LRSAM1: variants seen among roughly 807,000 people sequenced by gnomAD.
LRSAM1 encodes the protein E3 ubiquitin-protein ligase LRSAM1.
A neutral mutation model predicts 118.1 loss-of-function variants in LRSAM1; 96 were observed. The ratio of observed to expected loss-of-function variants is 0.81; its 90% CI spans 0.69 to 0.96. The LOEUF (loss-of-function observed/expected upper bound fraction) is 0.96. Among genes scored for constraint, LRSAM1 ranks in the 40% least tolerant of loss-of-function variants. The pLI is 0.00. For synonymous variants in LRSAM1, 322 were observed against 364.2 expected (o/e 0.88, Z 1.32); for missense variants, 804 against 915.5 (o/e 0.88, Z 1.57).
chr9:127,474,995 C>T (rs1835301486), intron 11 of LRSAM1, among the ~76,000 whole-genome samples: 1 of 152,126 alleles, frequency 6.6e-6, no homozygotes, highest in African/African-American at 2.4e-5. Context: ...TCTCTGGTTC[C>T]TAGATGCCAC....
At chr9:127,479,782 C>T in intron 13 of LRSAM1, 57 bp from the exon 14 acceptor site, 1 of 1,593,626 alleles carries the variant, frequency 6.3e-7, no homozygotes, top group Non-Finnish European at 8.6e-7. Context: ...CCAGTCAGTA[C>T]CCCTCACGGC....
chr9:127,479,606 G>A lies in LRSAM1; in HGVS notation c.903+101G>A, dbSNP rs1475860156. 2.0e-6 allele frequency: 3 copies of A among 1,536,600 alleles called. No individual in the cohort carries two copies. In the Admixed American group the frequency reaches 5.6e-5, roughly 28 times the overall value. ...CTCGGATGTGGAAAGGCAGTGGGAT[G>A]AAGCTGTCACTTCCTTCTGTCCCCC... On this transcript the variant is annotated intron_variant, in intron 13 of 25. Coordinates refer to ENST00000300417, the MANE Select transcript of LRSAM1 (RefSeq NM_001005373.4).
chr9:127,459,110 T>C, intron 7 of LRSAM1, 39 bp downstream of exon 7: 2 of 1,587,966 alleles, frequency 1.3e-6, no homozygotes, highest in Non-Finnish European at 1.7e-6. Flanking sequence ...CGGATGGCCT[T>C]AGTGAGACCA....
At chr9:127,484,942 G>A (rs974057707) in intron 16 of LRSAM1, among the ~76,000 whole-genome samples, 1 of 151,198 alleles carries the variant, frequency 6.6e-6, no homozygotes, top group African/African-American at 2.4e-5. Context: ...CAAGTAGCTG[G>A]GATTACAGGC....
At chr9:127,484,285 C>CTTTTTTTTTTT (rs1301004172) in intron 16 of LRSAM1, among the ~76,000 whole-genome samples, 13 of 141,844 alleles carry the variant, frequency 9.2e-5, no homozygotes, top group Non-Finnish European at 1.2e-4. Flanking sequence ...TTTTTTCCTG[C>CTTTTTTTTTTT]TTCTTTATTT....
At chr9:127,494,473 G>A (rs1020442142) in intron 21 of LRSAM1, among the ~76,000 whole-genome samples, 2 of 152,248 alleles carry the variant, frequency 1.3e-5, no homozygotes, top group African/African-American at 2.4e-5. Context: ...CCTTCCCGGA[G>A]TTGTGAGAAT....
At chr9:127,495,867 T>C (rs1395983456) in intron 22 of LRSAM1, 97 bp from the exon 23 acceptor site, 6 of 1,518,392 alleles carry the variant, frequency 4.0e-6, no homozygotes, top group Admixed American at 1.9e-5. Flanking sequence ...GTACATTCTA[T>C]GTATTATGTT....
intron 20 of LRSAM1, among the ~76,000 whole-genome samples, chr9:127,491,725 A>G (rs977758530): frequency 5.3e-5 from 8 of 151,832 alleles, no homozygotes; most frequent in East Asian, 1.9e-4. Context: ...CATCTGTGTA[A>G]CTCCCTGCAG....
At position 127,479,510 on chromosome 9, in the gene LRSAM1, G is replaced by A; in HGVS notation, c.903+5G>A. The stretch of plus-strand genomic sequence containing the variant: ...ATCCTTCAGACGGTCAAGGAGGTTT[G>A]TGAGCCGCCTGCTAGGGTCCAGCCT... On this transcript the variant is annotated splice_donor_5th_base_variant and intron_variant, in intron 13 of 25. Transcript: ENST00000300417. The A allele has an allele frequency of 1.2e-6, 2 of 1,613,734 alleles. No homozygotes were observed. Among genetic ancestry groups the A allele is most frequent in the African/African-American group, 1.3e-5 (1 of 75,034 alleles).
At chr9:127,482,860 A>T (rs1176603913) in intron 15 of LRSAM1, 90 bp from the exon 16 acceptor site, 27 of 1,268,126 alleles carry the variant, frequency 2.1e-5, no homozygotes, top group Non-Finnish European at 2.9e-5. Flanking sequence ...CAAATCAAGG[A>T]GGCCTTCCTG....
intron 11 of LRSAM1, among the ~76,000 whole-genome samples, chr9:127,474,175 C>T (rs1355232905): frequency 2.0e-5 from 3 of 152,152 alleles, no homozygotes; most frequent in East Asian, 3.9e-4. Flanking sequence ...CCTGAACTAA[C>T]CATGATCCTT....
chr9:127,472,289 A>G (rs1250129276), intron 10 of LRSAM1, among the ~76,000 whole-genome samples: 1 of 135,764 alleles, frequency 7.4e-6, no homozygotes, highest in Non-Finnish European at 1.6e-5. Flanking sequence ...TACCTAAACT[A>G]TGTAGAAGTA....
chr9:127,489,709 G>A (rs983330688), intron 19 of LRSAM1, among the ~76,000 whole-genome samples, 191 bp downstream of exon 19: 1 of 152,210 alleles, frequency 6.6e-6, no homozygotes, highest in Admixed American at 6.5e-5. Context: ...CTGGGAGGGT[G>A]TCTAGAGACC....
chr9:127,460,999 G>A (rs1354951357), intron 7 of LRSAM1, among the ~76,000 whole-genome samples, 174 bp from the exon 8 acceptor site: 2 of 151,952 alleles, frequency 1.3e-5, no homozygotes, highest in African/African-American at 4.8e-5. Context: ...GGGACTACAG[G>A]TGTGTGCCAC....
At chr9:127,484,263 C>CTTTTTTTTTTTTTTTTTTCCTT (rs35834839) in intron 16 of LRSAM1, among the ~76,000 whole-genome samples, 7 of 133,670 alleles carry the variant, frequency 5.2e-5, no homozygotes, top group Admixed American at 7.7e-5. Context: ...ATTTCTTTCC[C>CTTTTTTTTTTTTTTTTTTCCTT]TTTTTTTTTT....
intron 7 of LRSAM1, among the ~76,000 whole-genome samples, chr9:127,460,754 T>G (rs1185118122): frequency 6.6e-6 from 1 of 151,102 alleles, no homozygotes; most frequent in East Asian, 2.0e-4. Flanking sequence ...GTGTGTGTAG[T>G]GCCTGGGTGC....
chr9:127,460,069 G>T (rs532341280), intron 7 of LRSAM1, among the ~76,000 whole-genome samples: 1 of 149,892 alleles, frequency 6.7e-6, no homozygotes, highest in African/African-American at 2.5e-5. Flanking sequence ...GTGTGATCTC[G>T]GCTCACTGCA....
At chr9:127,488,510 C>G (rs142302251) in intron 18 of LRSAM1, among the ~76,000 whole-genome samples, 1 of 152,262 alleles carries the variant, frequency 6.6e-6, no homozygotes, top group Non-Finnish European at 1.5e-5. Flanking sequence ...GATCCACCCA[C>G]CTCGGCCTCC....
At chr9:127,499,569 C>G (rs148597126) in intron 24 of LRSAM1, among the ~76,000 whole-genome samples, 1 of 151,276 alleles carries the variant, frequency 6.6e-6, no homozygotes, top group Non-Finnish European at 1.5e-5. Context: ...AATGCCCCCT[C>G]GAAATGGTGG....
Sources: gnomAD v4.1 joint callset for allele counts (sites outside exome capture counted in the v4.1 genomes callset) on GRCh38, gnomAD v4.1.1 for gene constraint, MANE v1.5 for transcripts, NCBI Gene and HGNC (gene_info 2026-07-23, HGNC 2026-07-21) for gene names.